MEIS1: variants seen among roughly 807,000 people sequenced by gnomAD.
The protein encoded by MEIS1 is homeobox protein Meis1.
In MEIS1, 5 loss-of-function variants were observed where a neutral mutation model predicts 50.8. That is an observed-to-expected ratio of 0.10 (90% CI 0.05 to 0.21). The LOEUF (loss-of-function observed/expected upper bound fraction) is 0.21, where lower values mean the gene tolerates loss of function less well. Ranked by LOEUF, MEIS1 falls within the 10% of genes least tolerant of loss-of-function variation. MEIS1 has a pLI of 1.00. For synonymous variants in MEIS1, 176 were observed against 179.3 expected (o/e 0.98, Z 0.15); for missense variants, 318 against 517.3 (o/e 0.61, Z 3.74).
chr2:66,484,762 G>T (rs1673098601), intron 7 of MEIS1, among the ~76,000 whole-genome samples: 1 of 152,056 alleles, frequency 6.6e-6, no homozygotes, highest in Non-Finnish European at 1.5e-5. Flanking sequence ...ATTTTGCCAT[G>T]TTGGTTAGGC....
At chr2:66,498,030 T>C (rs925297916) in intron 7 of MEIS1, among the ~76,000 whole-genome samples, 1 of 144,884 alleles carries the variant, frequency 6.9e-6, no homozygotes, top group African/African-American at 2.5e-5. Context: ...AAAAAAATGG[T>C]ATGCCATGTT....
At chr2:66,448,465 C>G (rs192131847) in intron 6 of MEIS1, among the ~76,000 whole-genome samples, 2 of 152,164 alleles carry the variant, frequency 1.3e-5, no homozygotes, top group Non-Finnish European at 2.9e-5. Context: ...TGTCCTAAAA[C>G]TAGCTTACCT....
chr2:66,440,085 A>ACACACACC, intron 3 of MEIS1, 101 bp downstream of exon 3: 5 of 1,082,146 alleles, frequency 4.6e-6, no homozygotes, highest in Non-Finnish European at 6.5e-6. Flanking sequence ...ACACACACAC[A>ACACACACC]CACACACGGC....
intron 7 of MEIS1, among the ~76,000 whole-genome samples, chr2:66,474,134 G>A (rs1205263843): frequency 3.3e-5 from 5 of 151,768 alleles, no homozygotes; most frequent in African/African-American, 7.3e-5. Flanking sequence ...GGTTGAATAC[G>A]TGGATGTAGA....
At chr2:66,498,183 C>G (rs757649468) in intron 7 of MEIS1, among the ~76,000 whole-genome samples, 9 of 152,128 alleles carry the variant, frequency 5.9e-5, no homozygotes, top group Non-Finnish European at 1.3e-4. Flanking sequence ...GGTGTACTCA[C>G]TAGCAAAACA....
intron 8 of MEIS1, among the ~76,000 whole-genome samples, chr2:66,515,971 G>A (rs1673958658): frequency 6.6e-6 from 1 of 152,224 alleles, no homozygotes; most frequent in East Asian, 1.9e-4. Context: ...TATTCCAACT[G>A]TAAACATAGC....
chr2:66,437,442 CTCTT>C (rs1020468282), intron 1 of MEIS1: 25 of 414,720 alleles, frequency 6.0e-5, no homozygotes, highest in Admixed American at 3.1e-4. Flanking sequence ...TTCTCTTTCT[CTCTT>C]TCTTTCTTCT....
intron 8 of MEIS1, among the ~76,000 whole-genome samples, chr2:66,538,989 G>A (rs1674585302): frequency 6.6e-6 from 1 of 152,190 alleles, no homozygotes; most frequent in Non-Finnish European, 1.5e-5. Flanking sequence ...CCGGGTTCAA[G>A]CGATTATTCT....
intron 6 of MEIS1, among the ~76,000 whole-genome samples, chr2:66,459,000 A>G (rs1672459078): frequency 6.6e-6 from 1 of 152,198 alleles, no homozygotes; most frequent in Admixed American, 6.5e-5. Flanking sequence ...ATTTCAAAAC[A>G]TTCATAGTGT....
intron 7 of MEIS1, among the ~76,000 whole-genome samples, chr2:66,481,850 CTTTTTTTTTT>C (rs996753363): frequency 1.3e-4 from 12 of 90,184 alleles, no homozygotes; most frequent in African/African-American, 3.9e-4. Flanking sequence ...TCTGATATTT[CTTTTTTTTTT>C]TTTTTTTTTT....
intron 8 of MEIS1, among the ~76,000 whole-genome samples, chr2:66,532,030 T>TC (rs914489476): frequency 2.9e-4 from 44 of 152,178 alleles, no homozygotes; most frequent in African/African-American, 1.1e-3. Context: ...TTCTTTTTTT[T>TC]CTGAAACTAG....
intron 7 of MEIS1, among the ~76,000 whole-genome samples, chr2:66,482,814 G>C (rs1673049523): frequency 6.6e-6 from 1 of 152,218 alleles, no homozygotes; most frequent in Non-Finnish European, 1.5e-5. Context: ...GGAGTTACCT[G>C]CTGTCTCATT....
intron 7 of MEIS1, among the ~76,000 whole-genome samples, chr2:66,472,890 T>A (rs1324596571): frequency 6.6e-6 from 1 of 152,146 alleles, no homozygotes; most frequent in East Asian, 1.9e-4. Context: ...GGCTGCTGAC[T>A]CAGATTGATC....
At chr2:66,566,531 AT>A (rs1675350318) in intron 9 of MEIS1, among the ~76,000 whole-genome samples, 1 of 152,044 alleles carries the variant, frequency 6.6e-6, no homozygotes, top group Non-Finnish European at 1.5e-5. Flanking sequence ...TTGATACGTA[AT>A]TTTTAATATT....
intron 8 of MEIS1, among the ~76,000 whole-genome samples, chr2:66,529,019 A>G (rs1340439122): frequency 1.3e-5 from 2 of 152,080 alleles, no homozygotes; most frequent in Admixed American, 1.3e-4. Context: ...CTCACCTGAG[A>G]TACATCACTT....
At chr2:66,565,230 A>T (rs907464524) in intron 9 of MEIS1, among the ~76,000 whole-genome samples, 1 of 152,152 alleles carries the variant, frequency 6.6e-6, no homozygotes, top group Non-Finnish European at 1.5e-5. Context: ...TCAATATGTG[A>T]ATATGATGGA....
At chr2:66,478,121 T>C (rs1362963973) in intron 7 of MEIS1, among the ~76,000 whole-genome samples, 1 of 152,224 alleles carries the variant, frequency 6.6e-6, no homozygotes, top group Non-Finnish European at 1.5e-5. Context: ...TTTTACTTTC[T>C]TCCCCAAGAT....
chr2:66,439,459 C>T, intron 2 of MEIS1: 1 of 1,367,832 alleles, frequency 7.3e-7, no homozygotes, highest in Non-Finnish European at 9.4e-7. Flanking sequence ...ACTCTCCGCC[C>T]GGCGCCTTTC....
intron 1 of MEIS1, chr2:66,436,928 A>C: frequency 1.0e-6 from 1 of 983,480 alleles, no homozygotes; most frequent in Non-Finnish European, 1.2e-6. Flanking sequence ...TTGCTTTTGA[A>C]TTTGCTTTAA....
Sources: allele counts gnomAD v4.1 joint callset (sites outside exome capture counted in the v4.1 genomes callset), GRCh38; gene constraint gnomAD v4.1.1; transcripts MANE v1.5; gene names NCBI Gene and HGNC (gene_info 2026-07-23, HGNC 2026-07-21).